LATS1: variants seen among roughly 807,000 people sequenced by gnomAD.
LATS1 encodes large tumor suppressor kinase 1, also known as serine/threonine-protein kinase LATS1.
LATS1 carries 25 observed loss-of-function variants against 106.6 expected under a neutral mutation model. The ratio of observed to expected loss-of-function variants is 0.23; its 90% CI spans 0.17 to 0.33. LATS1 has a LOEUF of 0.33. Among genes scored for constraint, LATS1 ranks in the 10% least tolerant of loss-of-function variants. LATS1 has a pLI of 1.00. For synonymous variants in LATS1, 465 were observed against 455.6 expected, an observed-to-expected ratio of 1.02 and a Z score of -0.26; for missense variants, 1,040 against 1,382.6, an observed-to-expected ratio of 0.75 and a Z score of 3.93.
intron 7 of LATS1, among the ~76,000 whole-genome samples, chr6:149,669,621 C>T (rs527597617): frequency 1.2e-4 from 18 of 151,668 alleles, no homozygotes; most frequent in African/African-American, 3.4e-4. Flanking sequence ...ATTAGCCAAG[C>T]GTGATGGCAT....
At chr6:149,716,807 A>G (rs9767309) in intron 1 of LATS1, among the ~76,000 whole-genome samples, 70,265 of 151,992 alleles carry the variant, frequency 0.46, 17,582 homozygotes, top group East Asian at 0.81. Flanking sequence ...CACTGCCTTA[A>G]GGAATCAACT....
At position 149,684,188 on chromosome 6, in the gene LATS1, G is replaced by A; in HGVS notation, c.901C>T (p.Pro301Ser). 6.2e-7 allele frequency: 1 copy of A among 1,614,194 alleles called. No individual in the cohort carries two copies. Among genetic ancestry groups the A allele is most frequent in the South Asian group, 1.1e-5 (1 of 91,078 alleles). ...GGGGAAGTGTTGAGAGGTGGTGGAG[G>A]ATAGCCCTCTTGCCATGCCCCAGGT... is the stretch of plus-strand genomic sequence containing the variant. Reference protein sequence around the residue: ...VPPGAWQEGYPPPPLNTSPMN... With the variant: ...VPPGAWQEGYSPPPLNTSPMN... Residue 301 changes from proline (P) to serine (S), a missense_variant, in exon 4 of 8, where the codon CCT becomes TCT. Coordinates refer to ENST00000543571, the MANE Select transcript of LATS1 (RefSeq NM_004690.4).
chr6:149,710,924 T>G (rs978190829), intron 1 of LATS1, among the ~76,000 whole-genome samples: 2 of 152,122 alleles, frequency 1.3e-5, no homozygotes, highest in African/African-American at 2.4e-5. Context: ...GTTCAGAAAT[T>G]TAAAGCCTTG....
rs79974436 is a variant in LATS1 at position 149,661,076 on chromosome 6, A to G, written c.*653T>C. 61 of 141,562 alleles carry G rather than the reference A, an allele frequency of 4.3e-4. No individual in the cohort carries two copies. In the East Asian group the frequency reaches 8.8e-3, roughly 21 times the overall value. The allele number at this position is 141,562 out of a possible 1,614,324, so 8.8% of individuals were successfully genotyped here. On this transcript the variant is annotated 3_prime_UTR_variant, in exon 8 of 8. Coordinates refer to ENST00000543571, the MANE Select transcript of LATS1 (RefSeq NM_004690.4). Reference sequence around the variant, plus strand: ...CAGTAATTCTTGAGAAATAAATGCAAGAAGATTAAATAGATTAAATATTCC... The same window carrying G: ...CAGTAATTCTTGAGAAATAAATGCAGGAAGATTAAATAGATTAAATATTCC...
At chr6:149,693,187 C>T (rs1181550259) in intron 3 of LATS1, among the ~76,000 whole-genome samples, 2 of 151,466 alleles carry the variant, frequency 1.3e-5, no homozygotes, top group East Asian at 2.0e-4. Context: ...TGCTTGAACC[C>T]GGGAGGCGGA....
At position 149,676,538 on chromosome 6, in the gene LATS1, T is replaced by C; in HGVS notation, c.2776+17A>G. 1 of 1,609,642 alleles carries C rather than the reference T, an allele frequency of 6.2e-7. No individual in the cohort carries two copies. Among genetic ancestry groups the C allele is most frequent in the Non-Finnish European group, 8.5e-7 (1 of 1,176,562 alleles). ...TCTAAAGGTCTACTGAGAATATATA[T>C]GAAAGAAGTGCTTTACCTGTTCGTA... is the stretch of plus-strand genomic sequence containing the variant. On this transcript the variant is annotated intron_variant, in intron 6 of 7. Transcript: ENST00000543571.
intron 2 of LATS1, chr6:149,697,084 C>A: frequency 8.1e-7 from 1 of 1,235,604 alleles, no homozygotes; most frequent in Non-Finnish European, 1.1e-6. Context: ...AGGGAGGCAA[C>A]TACTTACTTG....
At chr6:149,674,347 T>TTATA (rs1781598496) in intron 7 of LATS1, among the ~76,000 whole-genome samples, 1 of 151,390 alleles carries the variant, frequency 6.6e-6, no homozygotes, top group Non-Finnish European at 1.5e-5. Context: ...AGTGCTGGGA[T>TTATA]TATAATAGGT....
At chr6:149,690,370 C>T (rs1258302215) in intron 3 of LATS1, among the ~76,000 whole-genome samples, 1 of 151,210 alleles carries the variant, frequency 6.6e-6, no homozygotes, top group Non-Finnish European at 1.5e-5. Context: ...TGCACCACCA[C>T]GCCCAGCTAA....
At chr6:149,673,392 C>A (rs1308524869) in intron 7 of LATS1, among the ~76,000 whole-genome samples, 2 of 151,896 alleles carry the variant, frequency 1.3e-5, no homozygotes, top group South Asian at 2.1e-4. Context: ...AGCTACCGCG[C>A]CCAGCCCTTT....
At position 149,661,195 on chromosome 6, in the gene LATS1, G is replaced by T; in HGVS notation, c.*534C>A. ...TCAACCCTGTATTCCTTAGTTTCAG[G>T]ATGTGAATTATACAGATTATCATTA... On this transcript the variant is annotated 3_prime_UTR_variant, in exon 8 of 8. Coordinates refer to ENST00000543571, the MANE Select transcript of LATS1 (RefSeq NM_004690.4). The T allele has an allele frequency of 4.4e-6, 1 of 229,282 alleles. No homozygotes were observed. The allele number at this position is 229,282 out of a possible 1,614,324, so 14.2% of individuals were successfully genotyped here.
chr6:149,671,398 T>A lies in LATS1; in HGVS notation c.2883+4862A>T, dbSNP rs142407626. 4.6e-5 allele frequency among the ~76,000 whole-genome samples: 7 copies of A among 152,008 alleles called. 1 individual carries two copies. Among genetic ancestry groups the A allele is most frequent in the African/African-American group, 1.7e-4 (7 of 41,286 alleles). On this transcript the variant is annotated intron_variant, in intron 7 of 7. Transcript: ENST00000543571. ...ATCCACCCACCTTGGCCTCCCAAAG[T>A]GCTAGGATTACAGGCGTGAGCCACC...
intron 1 of LATS1, among the ~76,000 whole-genome samples, chr6:149,711,797 G>A (rs565074978): frequency 3.5e-4 from 54 of 152,204 alleles, no homozygotes; most frequent in African/African-American, 9.9e-4. Context: ...CTCCAGGCCC[G>A]GTTGCTTACA....
intron 2 of LATS1, among the ~76,000 whole-genome samples, chr6:149,698,341 T>G (rs980081461): frequency 4.0e-5 from 6 of 151,422 alleles, no homozygotes; most frequent in Admixed American, 1.3e-4. Context: ...CTCCTGGGTT[T>G]GAGTGATCCT....
rs1027616066 is a variant in LATS1, at chr6:149,702,278, A to G, written c.-140-12T>C. Reference sequence around the variant, plus strand: ...ATAAATAATTAACTCTGTAAAAGAAAGAAAGAAAGGAAAGCTATAAAGTGG... The same window carrying G: ...ATAAATAATTAACTCTGTAAAAGAAGGAAAGAAAGGAAAGCTATAAAGTGG... On this transcript the variant is annotated splice_polypyrimidine_tract_variant and intron_variant, in intron 1 of 7. Coordinates refer to ENST00000543571, the MANE Select transcript of LATS1 (RefSeq NM_004690.4). 2.3e-5 allele frequency: 13 copies of G among 569,526 alleles called. No individual in the cohort carries two copies. In the Admixed American group the frequency reaches 4.1e-4, roughly 18 times the overall value. 35.3% of individuals were successfully genotyped at this position (569,526 alleles called of 1,614,324 possible). A position where few individuals can be genotyped will look rare whatever the true frequency, so the allele number is the denominator to read the frequency against.
intron 5 of LATS1, among the ~76,000 whole-genome samples, chr6:149,679,112 T>C (rs1191226808): frequency 6.6e-6 from 1 of 152,110 alleles, no homozygotes; most frequent in East Asian, 1.9e-4. Flanking sequence ...TCGATAAAAG[T>C]AAAGAACCGA....
At chr6:149,695,656 C>G (rs1196282668) in intron 2 of LATS1, among the ~76,000 whole-genome samples, 1 of 140,386 alleles carries the variant, frequency 7.1e-6, no homozygotes, top group Admixed American at 7.5e-5. Context: ...GCCTGGGCAA[C>G]AGAGCGAGAT....
chr6:149,693,816 G>A (rs892429775), intron 3 of LATS1, among the ~76,000 whole-genome samples: 1 of 152,086 alleles, frequency 6.6e-6, no homozygotes, highest in Admixed American at 6.6e-5. Flanking sequence ...CTAGCTGGGC[G>A]CGGTGGCTCA....
chr6:149,666,513 G>A (rs1781160712), intron 7 of LATS1, among the ~76,000 whole-genome samples: 1 of 152,138 alleles, frequency 6.6e-6, no homozygotes, highest in East Asian at 1.9e-4. Flanking sequence ...AGCTACCTGG[G>A]AGGCTGAGGC....
Sources: gnomAD v4.1 joint callset for allele counts (sites outside exome capture counted in the v4.1 genomes callset) on GRCh38, gnomAD v4.1.1 for gene constraint, MANE v1.5 for transcripts, NCBI Gene and HGNC (gene_info 2026-07-23, HGNC 2026-07-21) for gene names.